Variants in PRR16 observed in about 807,000 individuals in gnomAD.
PRR16 encodes protein Largen.
Under a neutral mutation model 18.2 loss-of-function variants are expected in PRR16, and 6 were observed. That is an observed-to-expected ratio of 0.33 (90% CI 0.18 to 0.65). The LOEUF is 0.65. PRR16 is among the 30% of genes least tolerant of loss of function. The probability of loss-of-function intolerance (pLI) is 0.74; values close to 1 mark genes in which losing one functional copy is unlikely to be tolerated. For synonymous variants in PRR16, 151 were observed against 147.8 expected, an observed-to-expected ratio of 1.02 and a Z score of -0.16; for missense variants, 412 against 376.6, an observed-to-expected ratio of 1.09 and a Z score of -0.78.
At chr5:120,687,673 A>G (rs1757162271), downstream of PRR16, among the ~76,000 whole-genome samples, 2 of 152,192 alleles carry the variant, frequency 1.3e-5, no homozygotes, top group Admixed American at 1.3e-4. Flanking sequence ...GGAGAATTAT[A>G]GGGGGATATC....
intron 1 of PRR16, among the ~76,000 whole-genome samples, chr5:120,651,566 C>T (rs755771070): frequency 1.3e-5 from 2 of 152,166 alleles, no homozygotes; most frequent in Non-Finnish European, 2.9e-5. Flanking sequence ...GTTTTCCCAG[C>T]ACCATTTATT....
At chr5:120,735,112 A>G in the PRR16 span, among the ~76,000 whole-genome samples, 1 of 152,160 alleles carries the variant, frequency 6.6e-6, no homozygotes, top group Non-Finnish European at 1.5e-5. Context: ...AAGCATATGT[A>G]TTTGTCTTTT....
At chr5:120,587,023 G>A (rs1247495147) in intron 1 of PRR16, among the ~76,000 whole-genome samples, 1 of 152,154 alleles carries the variant, frequency 6.6e-6, no homozygotes, top group African/African-American at 2.4e-5. Context: ...CAGCCTTATT[G>A]CTGATGAGAA....
intron 1 of PRR16, among the ~76,000 whole-genome samples, chr5:120,650,822 TA>T (rs896396851): frequency 3.6e-4 from 55 of 152,290 alleles, no homozygotes; most frequent in African/African-American, 1.2e-3. Context: ...GCATGATTTA[TA>T]GTCCTTTGGG....
intron 1 of PRR16, among the ~76,000 whole-genome samples, chr5:120,515,385 C>CA (rs1187277239): frequency 6.6e-6 from 1 of 152,116 alleles, no homozygotes; most frequent in Non-Finnish European, 1.5e-5. Flanking sequence ...CAAACCATAG[C>CA]AAAAATGTCA....
chr5:120,627,167 T>C (rs1754894746), intron 1 of PRR16, among the ~76,000 whole-genome samples: 1 of 152,106 alleles, frequency 6.6e-6, no homozygotes, highest in Admixed American at 6.6e-5. Flanking sequence ...TTTCTCCCAT[T>C]TCACAGTTTA....
At chr5:120,499,598 T>C (rs1189229193) in intron 1 of PRR16, among the ~76,000 whole-genome samples, 1 of 152,156 alleles carries the variant, frequency 6.6e-6, no homozygotes, top group African/African-American at 2.4e-5. Context: ...ATAACTTACA[T>C]TTGACTCCTC....
intron 1 of PRR16, among the ~76,000 whole-genome samples, chr5:120,487,614 C>A (rs1435365823): frequency 1.3e-5 from 2 of 152,170 alleles, no homozygotes; most frequent in Non-Finnish European, 2.9e-5. Context: ...TTGACTTCCT[C>A]TTTTCCTAAT....
At chr5:120,510,475 C>T (rs1750792306) in intron 1 of PRR16, among the ~76,000 whole-genome samples, 1 of 152,142 alleles carries the variant, frequency 6.6e-6, no homozygotes, top group Non-Finnish European at 1.5e-5. Context: ...AGCCTGCTAT[C>T]TGTGAGAGAT....
At chr5:120,771,518 T>TTTTC in the PRR16 span, among the ~76,000 whole-genome samples, 1 of 152,136 alleles carries the variant, frequency 6.6e-6, no homozygotes, top group African/African-American at 2.4e-5. Flanking sequence ...AATCGAGAGA[T>TTTTC]GTCTCTATGG....
chr5:120,741,925 A>G, the PRR16 span, among the ~76,000 whole-genome samples: 2 of 152,116 alleles, frequency 1.3e-5, no homozygotes, highest in Non-Finnish European at 2.9e-5. Context: ...TAGATACTAT[A>G]AGATTTAGAA....
intron 1 of PRR16, among the ~76,000 whole-genome samples, chr5:120,572,759 T>C (rs1752948006): frequency 6.6e-6 from 1 of 152,002 alleles, no homozygotes; most frequent in African/African-American, 2.4e-5. Context: ...AAATAATAGG[T>C]CATGAAGTAG....
chr5:120,708,740 C>T, the PRR16 span, among the ~76,000 whole-genome samples: 2 of 152,052 alleles, frequency 1.3e-5, no homozygotes, highest in Admixed American at 1.3e-4. Context: ...ACTAAGTTTA[C>T]ATGCACAACT....
At chr5:120,506,499 G>C (rs184197709) in intron 1 of PRR16, among the ~76,000 whole-genome samples, 1 of 151,956 alleles carries the variant, frequency 6.6e-6, no homozygotes, top group Non-Finnish European at 1.5e-5. Flanking sequence ...CATGATTAAC[G>C]GTGGCTTAAA....
intron 1 of PRR16, among the ~76,000 whole-genome samples, chr5:120,669,015 A>T (rs1006822957): frequency 6.6e-6 from 1 of 152,198 alleles, no homozygotes; most frequent in African/African-American, 2.4e-5. Flanking sequence ...ACTAATGCAG[A>T]TATTTTAATT....
the PRR16 span, among the ~76,000 whole-genome samples, chr5:120,750,495 C>T: frequency 6.6e-6 from 1 of 150,738 alleles, no homozygotes; most frequent in African/African-American, 2.5e-5. Context: ...CCTGTCTCTA[C>T]TAAAAAAAAA....
intron 1 of PRR16, among the ~76,000 whole-genome samples, chr5:120,582,238 G>C (rs995710810): frequency 6.6e-6 from 1 of 152,098 alleles, no homozygotes; most frequent in Non-Finnish European, 1.5e-5. Context: ...TTACTTATAA[G>C]TGGGAGCTAA....
intron 1 of PRR16, among the ~76,000 whole-genome samples, chr5:120,516,791 C>T (rs554047924): frequency 3.3e-5 from 5 of 152,158 alleles, no homozygotes; most frequent in Non-Finnish European, 5.9e-5. Context: ...TATTTTGCAC[C>T]ATAGACTAAT....
the PRR16 span, among the ~76,000 whole-genome samples, chr5:120,721,917 T>C: frequency 6.6e-6 from 1 of 152,058 alleles, no homozygotes; most frequent in African/African-American, 2.4e-5. Flanking sequence ...ACATATGGGA[T>C]ACATGTGCAG....
Sources: allele counts gnomAD v4.1 joint callset (sites outside exome capture counted in the v4.1 genomes callset), GRCh38; gene constraint gnomAD v4.1.1; transcripts MANE v1.5; gene names NCBI Gene and HGNC (gene_info 2026-07-23, HGNC 2026-07-21).